Variants in PDK1 observed in about 807,000 individuals in gnomAD.
PDK1 encodes the protein [Pyruvate dehydrogenase (acetyl-transferring)] kinase isozyme 1, mitochondrial.
PDK1 carries 39 observed loss-of-function variants against 54.2 expected under a neutral mutation model. The observed-to-expected ratio is 0.72, with a 90% confidence interval of 0.56 to 0.94. The LOEUF is 0.94. PDK1 is among the 40% of genes least tolerant of loss of function. PDK1 has a pLI of 0.00. For missense variants in PDK1, 552 were observed against 566.0 expected (o/e 0.98, Z 0.25); for synonymous variants, 221 against 207.1 (o/e 1.07, Z -0.58).
the PDK1 span, among the ~76,000 whole-genome samples, chr2:172,661,700 C>T: frequency 6.6e-6 from 1 of 152,086 alleles, no homozygotes; most frequent in Non-Finnish European, 1.5e-5. Flanking sequence ...CAAATCAATG[C>T]AAGAACAGAA....
chr2:172,578,180 G>A (rs982765513), intron 8 of PDK1, among the ~76,000 whole-genome samples: 2 of 152,184 alleles, frequency 1.3e-5, no homozygotes, highest in Non-Finnish European at 2.9e-5. Context: ...GTTTGGATGA[G>A]AAATCAGCTG....
At chr2:172,556,636 T>G (rs1442326590) in intron 1 of PDK1, 1 of 281,430 alleles carries the variant, frequency 3.6e-6, no homozygotes, top group Admixed American at 5.4e-5. Flanking sequence ...AGGTGCGCGC[T>G]AGGCCAGGCC....
intron 2 of PDK1, 54 bp downstream of exon 2, chr2:172,558,903 G>A: frequency 6.6e-7 from 1 of 1,517,332 alleles, no homozygotes; most frequent in South Asian, 1.2e-5. Context: ...CTTTATTCAA[G>A]GTTACAGCAA....
At position 172,581,178 on chromosome 2, in the gene PDK1, C is replaced by T. The variant is rs191354306; in HGVS notation, c.946-5100C>T. Among the ~76,000 whole-genome samples, 238 of 152,196 alleles carry T rather than the reference C, an allele frequency of 1.6e-3. 1 individual carries two copies. Among genetic ancestry groups the T allele is most frequent in the Non-Finnish European group, 3.0e-3 (206 of 67,992 alleles). On this transcript the variant is annotated intron_variant, in intron 8 of 10. Transcript: ENST00000282077. ...CATGATCTCAGCTTGCTGCAAGCTC[C>T]GCCTCCCAGGTTCAAGCGATTCTCC...
chr2:172,590,083 G>A (rs755016350), intron 9 of PDK1, among the ~76,000 whole-genome samples: 10 of 152,150 alleles, frequency 6.6e-5, no homozygotes, highest in Non-Finnish European at 1.3e-4. Context: ...AGATTTTTAA[G>A]TGGAAAAGTG....
At chr2:172,594,168 G>A (rs1408959302) in intron 10 of PDK1, among the ~76,000 whole-genome samples, 4 of 151,624 alleles carry the variant, frequency 2.6e-5, no homozygotes, top group Non-Finnish European at 5.9e-5. Context: ...CTTCCGAATA[G>A]CTGGGATTAC....
intron 9 of PDK1, among the ~76,000 whole-genome samples, chr2:172,587,245 G>T (rs1336623584): frequency 6.6e-6 from 1 of 152,216 alleles, no homozygotes; most frequent in African/African-American, 2.4e-5. Context: ...AGTTACTTCA[G>T]ATGTTCAGAT....
chr2:172,690,681 A>T, the PDK1 span, among the ~76,000 whole-genome samples: 2 of 150,188 alleles, frequency 1.3e-5, 1 homozygote, highest in Admixed American at 1.4e-4. Flanking sequence ...ACGAAAAAGG[A>T]TGAGTTCATG....
downstream of PDK1, among the ~76,000 whole-genome samples, chr2:172,612,180 G>T (rs771219931): frequency 6.6e-6 from 1 of 152,066 alleles, no homozygotes; most frequent in Non-Finnish European, 1.5e-5. Flanking sequence ...TTTCTCTTCC[G>T]AAGATCCACC....
the PDK1 span, among the ~76,000 whole-genome samples, chr2:172,687,568 A>G: frequency 2.6e-5 from 4 of 151,918 alleles, no homozygotes; most frequent in Non-Finnish European, 5.9e-5. Context: ...TCCATTCTAA[A>G]TCCCTACCCC....
chr2:172,655,025 A>G, the PDK1 span, among the ~76,000 whole-genome samples: 6 of 152,154 alleles, frequency 3.9e-5, no homozygotes, highest in African/African-American at 1.2e-4. Flanking sequence ...AAAAACAAGC[A>G]TGGTAGTCTT....
chr2:172,700,680 A>G, the PDK1 span, among the ~76,000 whole-genome samples: 14 of 152,256 alleles, frequency 9.2e-5, no homozygotes, highest in African/African-American at 3.4e-4. Flanking sequence ...TGTAGCGGGC[A>G]GAGATCACGC....
intron 10 of PDK1, among the ~76,000 whole-genome samples, chr2:172,595,467 C>A (rs13392808): frequency 0.18 from 26,733 of 152,132 alleles, 2,814 homozygotes; most frequent in African/African-American, 0.28. Flanking sequence ...TTATGTGCAT[C>A]TATTAAGATA....
At chr2:172,677,066 T>C in the PDK1 span, 2 of 152,248 alleles carry the variant, frequency 1.3e-5, no homozygotes, top group Admixed American at 1.3e-4. Flanking sequence ...ATAATGCTTC[T>C]GCATACTTAA....
chr2:172,702,776 C>G, the PDK1 span, among the ~76,000 whole-genome samples: 1 of 152,200 alleles, frequency 6.6e-6, no homozygotes, highest in Non-Finnish European at 1.5e-5. Flanking sequence ...ACTAGCTGCT[C>G]TCACTAGGAT....
chr2:172,687,869 C>T, the PDK1 span, among the ~76,000 whole-genome samples: 1 of 152,178 alleles, frequency 6.6e-6, no homozygotes, highest in Non-Finnish European at 1.5e-5. Context: ...TTGCCTGCTG[C>T]CCACTGAACA....
chr2:172,648,177 T>G, the PDK1 span, among the ~76,000 whole-genome samples: 1 of 152,180 alleles, frequency 6.6e-6, no homozygotes, highest in Non-Finnish European at 1.5e-5. Flanking sequence ...CCGATAAAAT[T>G]TAAATAAGGT....
At chr2:172,633,583 T>TG in the PDK1 span, among the ~76,000 whole-genome samples, 1 of 151,530 alleles carries the variant, frequency 6.6e-6, no homozygotes, top group Non-Finnish European at 1.5e-5. Context: ...CTTGTTTTTT[T>TG]AATTAAAGTT....
At chr2:172,695,292 T>C in the PDK1 span, among the ~76,000 whole-genome samples, 2 of 152,102 alleles carry the variant, frequency 1.3e-5, no homozygotes, top group African/African-American at 4.8e-5. Context: ...TCTATCACAC[T>C]GTAAGGGAAA....
Sources: allele counts gnomAD v4.1 joint callset (sites outside exome capture counted in the v4.1 genomes callset), GRCh38; gene constraint gnomAD v4.1.1; transcripts MANE v1.5; gene names NCBI Gene and HGNC (gene_info 2026-07-23, HGNC 2026-07-21).